The following EIF4G3 variants were observed in gnomAD, a reference collection of about 807,000 sequenced individuals.
EIF4G3 encodes the protein eIF-4-gamma 3.
EIF4G3 carries 34 observed loss-of-function variants against 186.4 expected under a neutral mutation model. The ratio of observed to expected loss-of-function variants is 0.18; its 90% CI spans 0.14 to 0.24. EIF4G3 has a LOEUF of 0.24. Ranked by LOEUF, EIF4G3 falls within the 10% of genes least tolerant of loss-of-function variation. The pLI, the probability that EIF4G3 is intolerant of heterozygous loss-of-function variation, is 1.00. For missense variants in EIF4G3, 1,536 were observed against 1,948.5 expected (o/e 0.79, Z 3.99); for synonymous variants, 673 against 679.5 (o/e 0.99, Z 0.15).
chr1:20,939,535 A>G lies in EIF4G3; in HGVS notation c.1663+1956T>C, dbSNP rs115350948. On this transcript the variant is annotated intron_variant, in intron 14 of 36. Coordinates refer to ENST00000602326, the MANE Select transcript of EIF4G3 (RefSeq NM_001391906.1). ...ATCAGGTCATCTAAGTGGCAAACTGATGTTTAAAAAAAGAATATATGTCAG... is the reference window on the plus strand; with the variant it reads ...ATCAGGTCATCTAAGTGGCAAACTGGTGTTTAAAAAAAGAATATATGTCAG... Among the ~76,000 whole-genome samples, 810 of 152,322 alleles carry G rather than the reference A, an allele frequency of 5.3e-3. 9 individuals are homozygous for G. Among genetic ancestry groups the G allele is most frequent in the African/African-American group, 0.019 (782 of 41,564 alleles).
chr1:21,115,916 G>A (rs1365889866), intron 2 of EIF4G3, among the ~76,000 whole-genome samples: 1 of 151,874 alleles, frequency 6.6e-6, no homozygotes, highest in African/African-American at 2.4e-5. Context: ...AGAGACAGGA[G>A]TCTCATCTTG....
chr1:20,992,904 A>C (rs1429592281), intron 7 of EIF4G3, among the ~76,000 whole-genome samples: 1 of 152,164 alleles, frequency 6.6e-6, no homozygotes, highest in Non-Finnish European at 1.5e-5. Context: ...AATTATACCA[A>C]GTGGCTTGCT....
rs181147752 is a variant in EIF4G3, at chr1:20,951,295, C to T, written c.715-1184G>A. Among the ~76,000 whole-genome samples, 65 of 152,064 alleles carry T rather than the reference C, an allele frequency of 4.3e-4. 1 individual carries two copies. Among genetic ancestry groups the T allele is most frequent in the African/African-American group, 1.4e-3 (57 of 41,464 alleles). On this transcript the variant is annotated intron_variant, in intron 12 of 36. Coordinates refer to ENST00000602326, the MANE Select transcript of EIF4G3 (RefSeq NM_001391906.1). ...TGTACAACATGAAATTTATATTTGA[C>T]TATATAAGGCTTATATAGAATAATA...
chr1:20,839,057 C>T (rs2067631587), intron 30 of EIF4G3, among the ~76,000 whole-genome samples: 1 of 152,172 alleles, frequency 6.6e-6, no homozygotes. Context: ...CAGCTCACTG[C>T]AACCTCCACC....
At chr1:20,991,201 C>G (rs946780387) in intron 7 of EIF4G3, among the ~76,000 whole-genome samples, 1 of 152,090 alleles carries the variant, frequency 6.6e-6, no homozygotes, top group East Asian at 1.9e-4. Context: ...CACTAAGAAT[C>G]GGGATATGGA....
intron 6 of EIF4G3, among the ~76,000 whole-genome samples, chr1:20,998,149 T>C (rs746224559): frequency 6.6e-6 from 1 of 152,028 alleles, no homozygotes; most frequent in Non-Finnish European, 1.5e-5. Flanking sequence ...GGATATCTTA[T>C]CCATGAAATG....
At chr1:20,982,251 C>A (rs2078447007) in intron 8 of EIF4G3, 137 bp downstream of exon 8, 3 of 657,972 alleles carry the variant, frequency 4.6e-6, no homozygotes, top group Non-Finnish European at 7.2e-6. Context: ...ATTTTCACTG[C>A]AAGATTAAAA....
intron 2 of EIF4G3, among the ~76,000 whole-genome samples, chr1:21,153,622 T>C (rs757810771): frequency 2.6e-5 from 4 of 152,162 alleles, no homozygotes; most frequent in African/African-American, 7.2e-5. Context: ...GTGCAATGAA[T>C]TGCACAATTT....
In EIF4G3 at chr1:20,950,051, G is replaced by A. The variant is rs752786490; in HGVS notation, c.775C>T (p.His259Tyr). 2.5e-6 allele frequency: 4 copies of A among 1,613,464 alleles called. No individual in the cohort carries two copies. The highest frequency in any genetic ancestry group is 3.4e-6 in the Non-Finnish European group (4 of 1,179,748). ...GTGACAGGGGTGCTGGCAGCAAGAT[G>A]AGCGCTCTCCACAGTCCCATAAACC... is the stretch of plus-strand genomic sequence containing the variant. ...PVVYGTVESAHLAASTPVTAA... is the reference protein window; with the variant it reads ...PVVYGTVESAYLAASTPVTAA... Residue 259 changes from histidine to tyrosine, a missense_variant, in exon 13 of 37, where the codon CAT becomes TAT. By Grantham distance (83) the His-to-Tyr change is moderately conservative. Around this residue, in one of 11 missense-constraint regions of EIF4G3, gnomAD observed 560 missense variants for 547.8 expected, o/e 1.02. Coordinates refer to ENST00000602326, the MANE Select transcript of EIF4G3 (RefSeq NM_001391906.1).
intron 15 of EIF4G3, among the ~76,000 whole-genome samples, chr1:20,901,498 C>CT (rs1044440920): frequency 4.6e-5 from 7 of 151,766 alleles, no homozygotes; most frequent in Non-Finnish European, 1.5e-5. Flanking sequence ...AAATGTGAAA[C>CT]TTTTTTTTAG....
intron 4 of EIF4G3, among the ~76,000 whole-genome samples, chr1:21,025,790 CA>C (rs1293152933): frequency 6.6e-6 from 1 of 151,992 alleles, no homozygotes; most frequent in Non-Finnish European, 1.5e-5. Flanking sequence ...TCTCTAGGTA[CA>C]AAAGTCTACA....
intron 14 of EIF4G3, among the ~76,000 whole-genome samples, chr1:20,928,863 C>T (rs980639368): frequency 1.1e-4 from 16 of 152,072 alleles, no homozygotes; most frequent in African/African-American, 9.7e-5. Context: ...GAAAGAAGCT[C>T]GGTATGTATT....
At chr1:21,099,160 G>A (rs1006035655) in intron 2 of EIF4G3, among the ~76,000 whole-genome samples, 7 of 152,154 alleles carry the variant, frequency 4.6e-5, no homozygotes, top group African/African-American at 1.7e-4. Flanking sequence ...AATCTCACAC[G>A]TTGGTAGAGT....
At chr1:20,973,553 A>G (rs777046848) in intron 10 of EIF4G3, among the ~76,000 whole-genome samples, 33 of 152,172 alleles carry the variant, frequency 2.2e-4, no homozygotes, top group Non-Finnish European at 4.1e-4. Flanking sequence ...TCTTCTCCTT[A>G]CTCATGGGGA....
intron 3 of EIF4G3, among the ~76,000 whole-genome samples, chr1:21,058,447 T>C (rs1399996904): frequency 1.3e-5 from 2 of 152,104 alleles, no homozygotes; most frequent in Non-Finnish European, 2.9e-5. Context: ...CATATATTGG[T>C]ATATTAAAAA....
intron 2 of EIF4G3, among the ~76,000 whole-genome samples, chr1:21,103,087 T>A (rs2096555287): frequency 6.6e-6 from 1 of 152,228 alleles, no homozygotes; most frequent in Non-Finnish European, 1.5e-5. Flanking sequence ...CTCCTCATAG[T>A]ACAATGTCTC....
Position 20,843,229 on chromosome 1 carries a change from C to T in EIF4G3, c.3889-2201G>A, listed in dbSNP as rs1407577840. 3.3e-5 allele frequency among the ~76,000 whole-genome samples: 5 copies of T among 151,828 alleles called. No individual in the cohort carries two copies. In the East Asian group the frequency reaches 9.7e-4, roughly 29 times the overall value. ...TTGTAAATGAATGCAAATATTCAATCCTCAGGCTGGAAGCGGTGGCTCACA... is the reference window on the plus strand; with the variant it reads ...TTGTAAATGAATGCAAATATTCAATTCTCAGGCTGGAAGCGGTGGCTCACA... On this transcript the variant is annotated intron_variant, in intron 29 of 36. Coordinates refer to ENST00000602326, the MANE Select transcript of EIF4G3 (RefSeq NM_001391906.1).
At chr1:21,044,561 T>G (rs2093764789) in intron 4 of EIF4G3, among the ~76,000 whole-genome samples, 1 of 152,114 alleles carries the variant, frequency 6.6e-6, no homozygotes, top group Non-Finnish European at 1.5e-5. Flanking sequence ...AACTCAGAAT[T>G]TATATTCTTC....
intron 11 of EIF4G3, among the ~76,000 whole-genome samples, chr1:20,971,860 C>T (rs935241578): frequency 6.6e-6 from 1 of 152,196 alleles, no homozygotes; most frequent in Non-Finnish European, 1.5e-5. Flanking sequence ...TCTCGAGCTC[C>T]TTACCTCAAG....
Sources: allele counts gnomAD v4.1 joint callset (sites outside exome capture counted in the v4.1 genomes callset), GRCh38; gene constraint gnomAD v4.1.1; regional missense constraint gnomAD v4.1.1; transcripts MANE v1.5; gene names NCBI Gene and HGNC (gene_info 2026-07-23, HGNC 2026-07-21).